Variants in ATP1A2 observed in about 807,000 individuals in gnomAD.
The protein encoded by ATP1A2 is ATPase Na+/K+ transporting subunit alpha 2.
In ATP1A2, 56 loss-of-function variants were observed where a neutral mutation model predicts 113.1. That is an observed-to-expected ratio of 0.49 (90% CI 0.40 to 0.62). The LOEUF (loss-of-function observed/expected upper bound fraction) is 0.62, where lower values mean the gene tolerates loss of function less well. ATP1A2 is among the 20% of genes least tolerant of loss of function. ATP1A2 has a pLI of 0.00. For synonymous variants in ATP1A2, 490 were observed against 526.8 expected (o/e 0.93, Z 0.96); for missense variants, 712 against 1,357.8 (o/e 0.52, Z 7.47).
rs1312408848 is a variant in ATP1A2, at chr1:160,135,611, G to C, written c.2284+9G>C. 3.7e-6 allele frequency: 6 copies of C among 1,613,444 alleles called. No homozygotes were observed. The highest frequency in any genetic ancestry group is 5.1e-6 in the Non-Finnish European group (6 of 1,180,006). Reference sequence around the variant, plus strand: ...CACGGGGGTGGAGGAGGGTGAGGAGGCTGCATGGGTTGGGATGGTTTGCAG... The same window carrying C: ...CACGGGGGTGGAGGAGGGTGAGGAGCCTGCATGGGTTGGGATGGTTTGCAG... On this transcript the variant is annotated intron_variant, in intron 16 of 22. Transcript: ENST00000361216. The surrounding 1 kb of genome is among the most constrained non-coding windows in gnomAD (Gnocchi z 6.3).
At position 160,123,928 on chromosome 1, in the gene ATP1A2, CT is replaced by C. The variant is rs1418597402; in HGVS notation, c.382-12del. The C allele has an allele frequency of 6.2e-7, 1 of 1,613,720 alleles. No individual in the cohort carries two copies. The highest frequency in any genetic ancestry group is 1.1e-5 in the South Asian group (1 of 91,058). On this transcript the variant is annotated splice_polypyrimidine_tract_variant and intron_variant, in intron 4 of 22. Transcript: ENST00000361216. ...GGGGGAAGGTCAGGTCCCTGAAACTCTTTCTCCTTACCAGCTATATCTGGGT... is the reference window on the plus strand; with the variant it reads ...GGGGGAAGGTCAGGTCCCTGAAACTCTTCTCCTTACCAGCTATATCTGGGT...
chr1:160,142,417 T>A lies in ATP1A2; in HGVS notation c.*1095T>A, dbSNP rs56199408. The A allele has an allele frequency of 0.22, 33,055 of 152,204 alleles. 3,680 individuals carry two copies. Among genetic ancestry groups the A allele is most frequent in the South Asian group, 0.28 (1,357 of 4,820 alleles). The allele number at this position is 152,204 out of a possible 1,614,324, so 9.4% of individuals were successfully genotyped here. On this transcript the variant is annotated 3_prime_UTR_variant, in exon 23 of 23. Coordinates refer to ENST00000361216, the MANE Select transcript of ATP1A2 (RefSeq NM_000702.4). ...CTAGAATCAGGGTGGAGAAGTTCCCTGAACCTTCCTGTCTCCCAGGGACAT... is the reference window on the plus strand; with the variant it reads ...CTAGAATCAGGGTGGAGAAGTTCCCAGAACCTTCCTGTCTCCCAGGGACAT...
Position 160,135,908 on chromosome 1 carries a change from C to A in ATP1A2, c.2354C>A (p.Thr785Asn). The change falls in exon 17 of 23, where the codon ACC (threonine) becomes AAC (asparagine). Residue 785 changes from threonine (T) to asparagine (N), a missense_variant. Physicochemically the swap from Thr to Asn is moderately conservative, Grantham distance 65. Transcript: ENST00000361216. This position sits in a 1 kb window ranked among gnomAD's most constrained non-coding sequence, Gnocchi z 6.3. Reference protein sequence around the residue: ...YTLTSNIPEITPFLLFIIANI... With the variant: ...YTLTSNIPEINPFLLFIIANI... ...CTGACCAGCAACATCCCCGAGATCA[C>A]CCCCTTCCTGCTGTTCATCATTGCC... The A allele has an allele frequency of 6.2e-7, 1 of 1,614,152 alleles. No individual in the cohort carries two copies. The highest frequency in any genetic ancestry group is 2.2e-5 in the East Asian group (1 of 44,874).
In ATP1A2 at chr1:160,136,013, G is replaced by A. The variant is rs1359075442; in HGVS notation, c.2439+20G>A. 7 of 1,614,128 alleles carry A rather than the reference G, an allele frequency of 4.3e-6. No homozygotes were observed. Among genetic ancestry groups the A allele is most frequent in the Non-Finnish European group, 5.9e-6 (7 of 1,180,026 alleles). ...GATATGGTGAGCGCAGGAGGTGGAG[G>A]AGGGGACAGGCAAGGCAATCGTGAT... On this transcript the variant is annotated intron_variant, in intron 17 of 22. Transcript: ENST00000361216.
At chr1:160,138,545 T>C (rs929087377) in intron 20 of ATP1A2, among the ~76,000 whole-genome samples, 9 of 152,158 alleles carry the variant, frequency 5.9e-5, no homozygotes, top group African/African-American at 2.2e-4. Context: ...TGTGTAAGAA[T>C]ACAAAAGATG....
rs963887218 is a variant in ATP1A2 at position 160,143,217 on chromosome 1, G to A, written c.*1895G>A. ...CTTTATCAGAAGCAAGGAAGTAAGG[G>A]AGTCATTGCCTTGGGCCTGGGAATC... On this transcript the variant is annotated 3_prime_UTR_variant, in exon 23 of 23. Transcript: ENST00000361216. The A allele has an allele frequency of 6.6e-6, 1 of 152,248 alleles. No homozygotes were observed. Among genetic ancestry groups the A allele is most frequent in the Non-Finnish European group, 1.5e-5 (1 of 68,050 alleles). The allele number at this position is 152,248 out of a possible 1,614,324, so 9.4% of individuals were successfully genotyped here.
At chr1:160,119,657 G>C (rs1027489756) in intron 1 of ATP1A2, among the ~76,000 whole-genome samples, 1 of 152,118 alleles carries the variant, frequency 6.6e-6, no homozygotes, top group African/African-American at 2.4e-5. Flanking sequence ...AAGGCTGGTA[G>C]TGGTGAGCCC....
At position 160,130,088 on chromosome 1, in the gene ATP1A2, T is replaced by A; in HGVS notation, c.1462-14T>A. On this transcript the variant is annotated splice_polypyrimidine_tract_variant and intron_variant, in intron 11 of 22. Transcript: ENST00000361216. ...AAGTATGGCCCTCTCTGTAACTACCTGTTGTCTCTCCAGCTGTCTATCCAC... is the reference window on the plus strand; with the variant it reads ...AAGTATGGCCCTCTCTGTAACTACCAGTTGTCTCTCCAGCTGTCTATCCAC... The A allele has an allele frequency of 1.9e-6, 3 of 1,614,164 alleles. No individual in the cohort carries two copies. Among genetic ancestry groups the A allele is most frequent in the Non-Finnish European group, 2.5e-6 (3 of 1,180,028 alleles).
intron 22 of ATP1A2, chr1:160,140,847 T>C (rs533403762): frequency 0.048 from 1,884 of 39,212 alleles, 72 homozygotes; most frequent in African/African-American, 0.13. Flanking sequence ...TTTCACCTTC[T>C]TTTTTTTTTT....
intron 1 of ATP1A2, among the ~76,000 whole-genome samples, chr1:160,116,377 C>T (rs1438288710): frequency 6.6e-6 from 1 of 152,072 alleles, no homozygotes; most frequent in Non-Finnish European, 1.5e-5. Context: ...TTCCGGACAC[C>T]AGCTCCAGGG....
intron 13 of ATP1A2, 30 bp from the exon 14 acceptor site, chr1:160,134,454 T>C (rs1651871732): frequency 6.2e-7 from 1 of 1,613,992 alleles, no homozygotes; most frequent in Admixed American, 1.7e-5. Flanking sequence ...TTAATACTAC[T>C]TTCCTGTTGT....
chr1:160,119,281 A>AAAAAAAAAAAAAAAAAAC (rs1651296056), intron 1 of ATP1A2, among the ~76,000 whole-genome samples: 1 of 144,584 alleles, frequency 6.9e-6, no homozygotes, highest in African/African-American at 2.5e-5. Flanking sequence ...AAAAAAAAAA[A>AAAAAAAAAAAAAAAAAAC]AAGCAAACAC....
In ATP1A2 at chr1:160,130,087, C is replaced by T. The variant is rs1418658456; in HGVS notation, c.1462-15C>T. On this transcript the variant is annotated splice_polypyrimidine_tract_variant and intron_variant, in intron 11 of 22. Coordinates refer to ENST00000361216, the MANE Select transcript of ATP1A2 (RefSeq NM_000702.4). ...CAAGTATGGCCCTCTCTGTAACTAC[C>T]TGTTGTCTCTCCAGCTGTCTATCCA... is the stretch of plus-strand genomic sequence containing the variant. 6.2e-7 allele frequency: 1 copy of T among 1,614,054 alleles called. No individual in the cohort carries two copies. Among genetic ancestry groups the T allele is most frequent in the African/African-American group, 1.3e-5 (1 of 74,914 alleles).
chr1:160,128,516 T>C, intron 8 of ATP1A2, 136 bp from the exon 9 acceptor site: 1 of 1,547,896 alleles, frequency 6.5e-7, no homozygotes, highest in Non-Finnish European at 8.7e-7. Flanking sequence ...ACATTCATTA[T>C]TTACAGCTAA....
rs111510835 is a variant in ATP1A2, at chr1:160,139,878, C to T, written c.2943-15C>T. 3.4e-3 allele frequency: 5,526 copies of T among 1,613,854 alleles called. 30 individuals carry two copies. Among genetic ancestry groups the T allele is most frequent in the Middle Eastern group, 0.018 (108 of 6,060 alleles). On this transcript the variant is annotated splice_polypyrimidine_tract_variant and intron_variant, in intron 21 of 22. Coordinates refer to ENST00000361216, the MANE Select transcript of ATP1A2 (RefSeq NM_000702.4). ...AACCTCTGATGCTGCTGACACTCTC[C>T]TCCATTGCTTTCAGAGTCACCTGGT...
Position 160,135,060 on chromosome 1 carries a change from C to T in ATP1A2, c.1965-85C>T, listed in dbSNP as rs529559806. ...GCAGGCTCAGCAGGGAGCCTGCAGGCTGCGGTGGTGAAGAGAGGCAGGGGG... is the reference window on the plus strand; with the variant it reads ...GCAGGCTCAGCAGGGAGCCTGCAGGTTGCGGTGGTGAAGAGAGGCAGGGGG... On this transcript the variant is annotated intron_variant, in intron 14 of 22. Transcript: ENST00000361216. The surrounding 1 kb of genome is among the most constrained non-coding windows in gnomAD (Gnocchi z 6.3). 6.3e-7 allele frequency: 1 copy of T among 1,577,258 alleles called. No homozygotes were observed. Among genetic ancestry groups the T allele is most frequent in the East Asian group, 2.3e-5 (1 of 44,078 alleles).
Position 160,135,843 on chromosome 1 carries a change from C to T in ATP1A2, c.2289C>T (p.Arg763=), listed in dbSNP as rs563607148. The change falls in exon 17 of 23, where the codon CGC becomes CGT. Residue 763 remains arginine (R), a synonymous_variant. Transcript: ENST00000361216. The surrounding 1 kb of genome is among the most constrained non-coding windows in gnomAD (Gnocchi z 6.3). ...GCCCTCAGAATCTCCCCACAGGCCG[C>T]CTGATCTTTGACAACTTGAAGAAAT... The part of the protein sequence containing the change: ...ASIVTGVEEG[R]LIFDNLKKSI... 2 of 1,614,052 alleles carry T rather than the reference C, an allele frequency of 1.2e-6. No individual in the cohort carries two copies. Among genetic ancestry groups the T allele is most frequent in the Non-Finnish European group, 1.7e-6 (2 of 1,180,038 alleles).
chr1:160,120,725 T>G (rs565392493), intron 1 of ATP1A2, among the ~76,000 whole-genome samples, 181 bp from the exon 2 acceptor site: 1 of 152,314 alleles, frequency 6.6e-6, no homozygotes, highest in Non-Finnish European at 1.5e-5. Flanking sequence ...CCCCTGGTTC[T>G]GCCAATAGTC....
Position 160,135,188 on chromosome 1 carries a change from A to C in ATP1A2, c.2008A>C (p.Met670Leu), listed in dbSNP as rs1184210055. 1.2e-6 allele frequency: 2 copies of C among 1,614,230 alleles called. No individual in the cohort carries two copies. Among genetic ancestry groups the C allele is most frequent in the Non-Finnish European group, 1.7e-6 (2 of 1,180,036 alleles). The change falls in exon 15 of 23, where the codon ATG becomes CTG. Residue 670 changes from methionine to leucine, a missense_variant. By Grantham distance (15) the Met-to-Leu change is conservative. This residue lies in a region of ATP1A2 where 263 missense variants were observed against 380.6 expected (regional missense o/e 0.69). Transcript: ENST00000361216. This position sits in a 1 kb window ranked among gnomAD's most constrained non-coding sequence, Gnocchi z 6.3. Reference protein sequence around the residue: ...CVVHGSDLKDMTSEQLDEILK... With the variant: ...CVVHGSDLKDLTSEQLDEILK... ...GGTGCACGGCTCTGACCTGAAGGACATGACATCGGAGCAGCTCGATGAGAT... is the reference window on the plus strand; with the variant it reads ...GGTGCACGGCTCTGACCTGAAGGACCTGACATCGGAGCAGCTCGATGAGAT...
Sources: gnomAD v4.1 joint callset for allele counts (sites outside exome capture counted in the v4.1 genomes callset) on GRCh38, gnomAD v4.1.1 for gene constraint, gnomAD v4.1.1 regional missense constraint, Gnocchi (gnomAD v3.1) non-coding constraint, MANE v1.5 for transcripts, NCBI Gene and HGNC (gene_info 2026-07-23, HGNC 2026-07-21) for gene names.